Variants in KCTD2 observed in about 807,000 individuals in gnomAD.
The protein encoded by KCTD2 is potassium channel tetramerization domain containing 2.
Under a neutral mutation model 27.9 loss-of-function variants are expected in KCTD2, and 18 were observed. The ratio of observed to expected loss-of-function variants is 0.64; its 90% CI spans 0.45 to 0.96. The LOEUF is 0.96. Among genes scored for constraint, KCTD2 ranks in the 40% least tolerant of loss-of-function variants. The pLI is 0.00. For synonymous variants in KCTD2, 175 were observed against 148.4 expected (o/e 1.18, Z -1.30); for missense variants, 280 against 348.0 (o/e 0.80, Z 1.56).
intron 3 of KCTD2, among the ~76,000 whole-genome samples, chr17:75,055,945 C>T (rs2073345997): frequency 2.6e-5 from 4 of 151,634 alleles, no homozygotes; most frequent in Admixed American, 2.0e-4. Flanking sequence ...GCAGGAGAAT[C>T]GCTTGAACTA....
At chr17:75,059,677 G>A in intron 4 of KCTD2, 72 bp downstream of exon 4, 1 of 1,196,758 alleles carries the variant, frequency 8.4e-7, no homozygotes, top group Non-Finnish European at 1.2e-6. Context: ...CAATCAGTGT[G>A]GATGGCCAAT....
chr17:75,044,751 A>T (rs2144917101), upstream of KCTD2, among the ~76,000 whole-genome samples: 1 of 152,366 alleles, frequency 6.6e-6, no homozygotes, highest in South Asian at 2.1e-4. Context: ...CTCTTTAAGT[A>T]AGATCAGGGT....
At position 75,047,465 on chromosome 17, in the gene KCTD2, G is replaced by T; in HGVS notation, c.215G>T (p.Arg72Leu). The T allele has an allele frequency of 6.4e-7, 1 of 1,555,322 alleles. No homozygotes were observed. Among genetic ancestry groups the T allele is most frequent in the Non-Finnish European group, 8.7e-7 (1 of 1,151,948 alleles). The change falls in exon 1 of 6, where the codon CGC (arginine) becomes CTC (leucine). Residue 72 changes from arginine (R) to leucine (L), a missense_variant. Physicochemically the swap from Arg to Leu is moderately radical, Grantham distance 102 (BLOSUM62 -2). Coordinates refer to ENST00000322444, the MANE Select transcript of KCTD2 (RefSeq NM_015353.3). Reference protein sequence around the residue: ...PERAGGGGAARWVRLNVGGTY... With the variant: ...PERAGGGGAALWVRLNVGGTY... ...CGGGCAGGGGGCGGCGGCGCGGCCCGCTGGGTCAGGCTGAACGTGGGAGGC... is the reference window on the plus strand; with the variant it reads ...CGGGCAGGGGGCGGCGGCGCGGCCCTCTGGGTCAGGCTGAACGTGGGAGGC...
intron 1 of KCTD2, 150 bp from the exon 2 acceptor site, chr17:75,049,070 G>A: frequency 1.9e-6 from 1 of 537,670 alleles, no homozygotes; most frequent in East Asian, 2.9e-5. Flanking sequence ...TGACAAATGT[G>A]TAACAAAATT....
Position 75,053,109 on chromosome 17 carries a change from A to G in KCTD2, c.540+4A>G. On this transcript the variant is annotated splice_donor_region_variant and intron_variant, in intron 3 of 5. Transcript: ENST00000322444. The stretch of plus-strand genomic sequence containing the variant: ...CAATGAGAACAGAACTTCACAAGTA[A>G]TGTATTTGGAACTGTTAAGGAGGGT... 1 of 1,609,538 alleles carries G rather than the reference A, an allele frequency of 6.2e-7. No individual in the cohort carries two copies.
chr17:75,057,702 G>A (rs1173340822), intron 3 of KCTD2, among the ~76,000 whole-genome samples: 1 of 151,812 alleles, frequency 6.6e-6, no homozygotes, highest in Non-Finnish European at 1.5e-5. Flanking sequence ...TGGGATTACA[G>A]GCACGTGCCA....
At chr17:75,058,213 A>G (rs921001400) in intron 3 of KCTD2, among the ~76,000 whole-genome samples, 3 of 152,018 alleles carry the variant, frequency 2.0e-5, no homozygotes, top group Non-Finnish European at 4.4e-5. Flanking sequence ...AATCCCAGCT[A>G]TTCAAGAGGC....
At chr17:75,032,577 T>C (rs1414295654), upstream of KCTD2, 2 of 152,718 alleles carry the variant, frequency 1.3e-5, no homozygotes, top group African/African-American at 4.8e-5. This position sits in a 1 kb window ranked among gnomAD's most constrained non-coding sequence, Gnocchi z 4.8. Flanking sequence ...AGCTGATCAG[T>C]GTGGTTTTGC....
At chr17:75,034,996 G>C (rs1173102786) in intron 2 of KCTD2, among the ~76,000 whole-genome samples, 1 of 152,146 alleles carries the variant, frequency 6.6e-6, no homozygotes, top group African/African-American at 2.4e-5. Flanking sequence ...GCTGGGGCCA[G>C]AGGAAGGGTG....
intron 2 of KCTD2, among the ~76,000 whole-genome samples, chr17:75,050,478 G>T (rs1567991227): frequency 2.0e-5 from 3 of 152,018 alleles, no homozygotes; most frequent in Admixed American, 2.0e-4. Context: ...GACCAGGCTG[G>T]TCTTGAACTC....
intron 3 of KCTD2, among the ~76,000 whole-genome samples, chr17:75,036,411 G>A (rs900709142): frequency 3.9e-5 from 6 of 152,206 alleles, no homozygotes; most frequent in Non-Finnish European, 7.3e-5. Flanking sequence ...GTGAGCCACC[G>A]CGCCCTGCCC....
chr17:75,042,044 A>G, intron 3 of KCTD2: 1 of 683,626 alleles, frequency 1.5e-6, no homozygotes, highest in Non-Finnish European at 2.5e-6. Flanking sequence ...ATCGACCACA[A>G]GGCCTTTGGC....
chr17:75,043,378 G>C (rs1043542019), upstream of KCTD2, among the ~76,000 whole-genome samples: 1 of 152,038 alleles, frequency 6.6e-6, no homozygotes, highest in African/African-American at 2.4e-5. Context: ...TTGGGAGGCT[G>C]AGGTGGGTGG....
At chr17:75,051,012 T>C (rs961440880) in intron 2 of KCTD2, among the ~76,000 whole-genome samples, 11 of 150,808 alleles carry the variant, frequency 7.3e-5, no homozygotes, top group South Asian at 2.1e-4. Context: ...CTTGCTCTGT[T>C]GCCCAGGCTG....
At chr17:75,062,743 C>G (rs1046099480) in intron 5 of KCTD2, among the ~76,000 whole-genome samples, 8 of 145,980 alleles carry the variant, frequency 5.5e-5, no homozygotes, top group African/African-American at 1.0e-4. Context: ...CACACACACA[C>G]AGCTTCTAAA....
chr17:75,055,411 T>C (rs745946222), intron 3 of KCTD2, among the ~76,000 whole-genome samples: 3 of 151,860 alleles, frequency 2.0e-5, no homozygotes, highest in Non-Finnish European at 4.4e-5. Context: ...TTAGATTTCA[T>C]ATATCAAAGT....
chr17:75,044,061 G>T (rs1193305322), upstream of KCTD2, among the ~76,000 whole-genome samples: 20 of 125,974 alleles, frequency 1.6e-4, no homozygotes, highest in Non-Finnish European at 4.9e-5. Context: ...GTTTCACTCT[G>T]TCCCCCGGGC....
chr17:75,047,817 T>C (rs73367047), intron 1 of KCTD2, among the ~76,000 whole-genome samples: 6,733 of 152,148 alleles, frequency 0.044, 225 homozygotes, highest in Middle Eastern at 0.15. Context: ...CCCTTCGTTC[T>C]CTGAGACTCC....
chr17:75,042,029 G>A, intron 3 of KCTD2: 1 of 631,910 alleles, frequency 1.6e-6, no homozygotes, highest in South Asian at 2.1e-5. Flanking sequence ...CCTATTTACA[G>A]TTCAATCGAC....
Sources: allele counts gnomAD v4.1 joint callset (sites outside exome capture counted in the v4.1 genomes callset), GRCh38; gene constraint gnomAD v4.1.1; non-coding constraint Gnocchi (gnomAD v3.1); transcripts MANE v1.5; gene names NCBI Gene and HGNC (gene_info 2026-07-23, HGNC 2026-07-21).